ELOVL6: variants seen among roughly 807,000 people sequenced by gnomAD.
ELOVL6 encodes very long chain fatty acid elongase 6.
Under a neutral mutation model 31.7 loss-of-function variants are expected in ELOVL6, and 8 were observed. The ratio of observed to expected loss-of-function variants is 0.25; its 90% CI spans 0.15 to 0.45. The LOEUF (loss-of-function observed/expected upper bound fraction) is 0.45. Ranked by LOEUF, ELOVL6 falls within the 20% of genes least tolerant of loss-of-function variation. The probability of loss-of-function intolerance (pLI) is 1.00; values close to 1 mark genes in which losing one functional copy is unlikely to be tolerated. For synonymous variants in ELOVL6, 101 were observed against 117.7 expected (o/e 0.86, Z 0.92); for missense variants, 126 against 326.4 (o/e 0.39, Z 4.73).
intron 1 of ELOVL6, among the ~76,000 whole-genome samples, chr4:110,113,266 C>A (rs953226317): frequency 7.3e-5 from 11 of 150,620 alleles, no homozygotes; most frequent in Admixed American, 5.3e-4. Flanking sequence ...GCCATCACCC[C>A]CAAGTCAAAA....
rs1214393848 is a variant in ELOVL6, at chr4:110,084,407, TGAC to T, written c.221+21087_221+21089del. 6.3e-4 allele frequency among the ~76,000 whole-genome samples: 61 copies of T among 97,574 alleles called. 2 individuals are homozygous for T. The highest frequency in any genetic ancestry group is 7.3e-4 in the African/African-American group (20 of 27,330). The allele number at this position is 97,574 out of a possible 152,430, so 64.0% of individuals were successfully genotyped here. On this transcript the variant is annotated intron_variant, in intron 2 of 3. Coordinates refer to ENST00000302274, the MANE Select transcript of ELOVL6 (RefSeq NM_024090.3). ...TATCGCATATATGATATATGATATA[TGAC>T]ATACATGATATATCACATATATCAT...
chr4:110,167,968 G>A (rs942962473), intron 1 of ELOVL6, among the ~76,000 whole-genome samples: 2 of 152,100 alleles, frequency 1.3e-5, no homozygotes, highest in East Asian at 1.9e-4. Flanking sequence ...GTTCTTTCTT[G>A]TATTTTTGAT....
rs1408311091 is a variant in ELOVL6 at position 110,084,186 on chromosome 4, CATATAACTTATATGATATAT to C, written c.221+21291_221+21310del. Among the ~76,000 whole-genome samples the C allele has an allele frequency of 6.6e-5, 3 of 45,222 alleles. No homozygotes were observed. The East Asian group carries it at 2.9e-3, about 44-fold the overall frequency. 29.7% of individuals were successfully genotyped at this position (45,222 alleles called of 152,430 possible). ...TATGTGATATATATGATATATATAA[CATATAACTTATATGATATAT>C]ATAACATATAACTTATATGATATAT... is the stretch of plus-strand genomic sequence containing the variant. On this transcript the variant is annotated intron_variant, in intron 2 of 3. Coordinates refer to ENST00000302274, the MANE Select transcript of ELOVL6 (RefSeq NM_024090.3).
At chr4:110,184,039 A>G (rs1188963502) in intron 1 of ELOVL6, among the ~76,000 whole-genome samples, 2 of 152,192 alleles carry the variant, frequency 1.3e-5, no homozygotes, top group Non-Finnish European at 2.9e-5. Context: ...TCTGATTGGA[A>G]TAGATAGTTT....
chr4:110,052,785 G>C (rs7665187), intron 3 of ELOVL6, among the ~76,000 whole-genome samples: 3 of 152,152 alleles, frequency 2.0e-5, no homozygotes, highest in African/African-American at 7.2e-5. Flanking sequence ...GGGAAGTTAC[G>C]CTAGGATGTG....
At chr4:110,168,617 A>G (rs1424639057) in intron 1 of ELOVL6, among the ~76,000 whole-genome samples, 1 of 152,174 alleles carries the variant, frequency 6.6e-6, no homozygotes, top group African/African-American at 2.4e-5. Context: ...TTTAAACAAA[A>G]TGAGCCCCAC....
At chr4:110,171,598 T>C (rs1448739408) in intron 1 of ELOVL6, among the ~76,000 whole-genome samples, 1 of 150,848 alleles carries the variant, frequency 6.6e-6, no homozygotes, top group Non-Finnish European at 1.5e-5. Flanking sequence ...GTGGTGCACG[T>C]AGGGAGGACG....
At chr4:110,156,341 A>T (rs1161901521) in intron 1 of ELOVL6, among the ~76,000 whole-genome samples, 1 of 152,154 alleles carries the variant, frequency 6.6e-6, no homozygotes, top group East Asian at 1.9e-4. Flanking sequence ...GGCTTTTCCA[A>T]GACATTTCCA....
chr4:110,094,712 A>G (rs1190955504), intron 2 of ELOVL6, among the ~76,000 whole-genome samples: 1 of 151,684 alleles, frequency 6.6e-6, no homozygotes, highest in African/African-American at 2.4e-5. Context: ...GGCTCCTGAC[A>G]CTACATAACA....
intron 2 of ELOVL6, among the ~76,000 whole-genome samples, chr4:110,098,776 G>A (rs567990015): frequency 1.3e-5 from 2 of 152,026 alleles, no homozygotes; most frequent in Admixed American, 1.3e-4. Context: ...CTGCCCTTTT[G>A]GTGTTACATT....
At chr4:110,158,657 A>ATATATATATATT in intron 1 of ELOVL6, among the ~76,000 whole-genome samples, 9 of 74,162 alleles carry the variant, frequency 1.2e-4, no homozygotes, top group African/African-American at 7.5e-4. Context: ...ATATATATAT[A>ATATATATATATT]TTTTTTTTTT....
chr4:110,079,158 A>C (rs1309392379), intron 2 of ELOVL6, among the ~76,000 whole-genome samples: 1 of 152,180 alleles, frequency 6.6e-6, no homozygotes, highest in Non-Finnish European at 1.5e-5. Flanking sequence ...TTAACACCCT[A>C]CTGTCAACAT....
intron 2 of ELOVL6, among the ~76,000 whole-genome samples, chr4:110,060,604 G>T (rs1755109347): frequency 6.6e-6 from 1 of 152,152 alleles, no homozygotes; most frequent in South Asian, 2.1e-4. Context: ...TTAGGCTCAA[G>T]AAACACAACC....
chr4:110,187,587 TA>T (rs1759488284), intron 1 of ELOVL6, among the ~76,000 whole-genome samples: 4 of 150,220 alleles, frequency 2.7e-5, no homozygotes, highest in African/African-American at 9.8e-5. Flanking sequence ...TCCCAACTAA[TA>T]GGGAGGCTGA....
At chr4:110,063,398 C>T (rs111899639) in intron 2 of ELOVL6, among the ~76,000 whole-genome samples, 7 of 151,402 alleles carry the variant, frequency 4.6e-5, no homozygotes, top group Non-Finnish European at 7.4e-5. Flanking sequence ...TTGGCCAGAG[C>T]GTGGGGTCAA....
At chr4:110,076,530 GA>G (rs1256767948) in intron 2 of ELOVL6, among the ~76,000 whole-genome samples, 1 of 152,032 alleles carries the variant, frequency 6.6e-6, no homozygotes, top group Non-Finnish European at 1.5e-5. Context: ...TTTTCCATAT[GA>G]AAAAAATATG....
intron 1 of ELOVL6, among the ~76,000 whole-genome samples, chr4:110,194,371 G>C (rs1306799578): frequency 6.6e-6 from 1 of 152,150 alleles, no homozygotes; most frequent in African/African-American, 2.4e-5. Context: ...AATATAACCA[G>C]ACAGGATATT....
intron 1 of ELOVL6, among the ~76,000 whole-genome samples, chr4:110,123,976 A>T (rs1757423689): frequency 1.3e-5 from 2 of 152,230 alleles, no homozygotes; most frequent in African/African-American, 4.8e-5. Context: ...CTTCTTTAAA[A>T]GGTAACTATA....
intron 1 of ELOVL6, among the ~76,000 whole-genome samples, chr4:110,122,401 CT>C (rs1490127935): frequency 6.6e-6 from 1 of 152,022 alleles, no homozygotes; most frequent in East Asian, 1.9e-4. Context: ...TTTGTGGTTT[CT>C]GTTTTGAAAC....
Sources: allele counts gnomAD v4.1 joint callset (sites outside exome capture counted in the v4.1 genomes callset), GRCh38; gene constraint gnomAD v4.1.1; transcripts MANE v1.5; gene names NCBI Gene and HGNC (gene_info 2026-07-23, HGNC 2026-07-21).